The following APPL2 variants were observed in gnomAD, a reference collection of about 807,000 sequenced individuals.
APPL2 encodes the protein adaptor protein, phosphotyrosine interacting with PH domain and leucine zipper 2, also known as DCC-interacting protein 13-beta.
In APPL2, 84 loss-of-function variants were observed where a neutral mutation model predicts 92.7. The observed-to-expected ratio is 0.91, with a 90% CI of 0.76 to 1.09. APPL2 has a LOEUF of 1.09. APPL2 is among the 50% of genes least tolerant of loss of function. APPL2 has a pLI of 0.00. For missense variants in APPL2, 736 were observed against 824.5 expected, an observed-to-expected ratio of 0.89 and a Z score of 1.31; for synonymous variants, 291 against 291.0, an observed-to-expected ratio of 1.00 and a Z score of 0.00.
rs1271624439 is a variant in APPL2 at position 105,195,461 on chromosome 12, A to AGATGTC, written c.1135_1136insGACATC (p.Tyr378_Leu379insArgHis). 4 of 1,614,108 alleles carry AGATGTC rather than the reference A, an allele frequency of 2.5e-6. No homozygotes were observed. The Admixed American group carries it at 5.0e-5, about 20-fold the overall frequency. ...GATAATTACCTCAGGGTTGTCGGTC[A>AGATGTC]GGTAGATCTGTCTGGAGATGTTGTT... On this transcript the variant is annotated inframe_insertion, in exon 13 of 21. Coordinates refer to ENST00000258530, the MANE Select transcript of APPL2 (RefSeq NM_018171.5).
chr12:105,181,944 T>C (rs1208504502), intron 17 of APPL2, among the ~76,000 whole-genome samples: 2 of 152,218 alleles, frequency 1.3e-5, no homozygotes, highest in African/African-American at 2.4e-5. Flanking sequence ...TGAAGGGTTT[T>C]TCGTGTCTCT....
chr12:105,186,645 G>GATATTAT (rs879884212), intron 17 of APPL2, among the ~76,000 whole-genome samples: 1 of 128,174 alleles, frequency 7.8e-6, no homozygotes, highest in Non-Finnish European at 1.6e-5. Flanking sequence ...TCATATATAT[G>GATATTAT]ATATCGATAT....
intron 4 of APPL2, among the ~76,000 whole-genome samples, chr12:105,214,438 C>T (rs1889483868): frequency 6.6e-6 from 1 of 152,246 alleles, no homozygotes; most frequent in Non-Finnish European, 1.5e-5. Flanking sequence ...AAGGAAAACT[C>T]TTCCCCAACC....
chr12:105,189,102 T>C (rs1886977926), intron 16 of APPL2, among the ~76,000 whole-genome samples: 1 of 152,136 alleles, frequency 6.6e-6, no homozygotes, highest in South Asian at 2.1e-4. Flanking sequence ...CACTGCAACC[T>C]CCGCCTCCCA....
intron 8 of APPL2, among the ~76,000 whole-genome samples, chr12:105,206,673 C>T (rs1166726880): frequency 2.0e-5 from 3 of 152,120 alleles, no homozygotes; most frequent in African/African-American, 7.2e-5. Context: ...AGAGCGGGGG[C>T]CTTACTACAG....
rs1297296547 is a variant in APPL2, at chr12:105,207,125, T to C, written c.557A>G (p.Asn186Ser). 1.2e-6 allele frequency: 2 copies of C among 1,614,058 alleles called. No individual in the cohort carries two copies. Among genetic ancestry groups the C allele is most frequent in the Non-Finnish European group, 1.7e-6 (2 of 1,180,044 alleles). ...CATTTGCTTTCTGTACTGCAGCGCG[T>C]TGAGGGCACAGTAGTACTGAAGGGA... Reference protein sequence around the residue: ...LSSLQYYCALNALQYRKQMAM... With the variant: ...LSSLQYYCALSALQYRKQMAM... Residue 186 changes from asparagine (N) to serine (S), a missense_variant, in exon 8 of 21, where the codon AAC becomes AGC. Coordinates refer to ENST00000258530, the MANE Select transcript of APPL2 (RefSeq NM_018171.5).
chr12:105,225,305 G>A (rs1387501276), intron 2 of APPL2, among the ~76,000 whole-genome samples: 2 of 152,066 alleles, frequency 1.3e-5, no homozygotes, highest in African/African-American at 4.8e-5. Flanking sequence ...TGTCCTGCCT[G>A]CCAGGAACAT....
chr12:105,202,954 G>A (rs1888342221), intron 9 of APPL2, among the ~76,000 whole-genome samples: 1 of 151,428 alleles, frequency 6.6e-6, no homozygotes, highest in South Asian at 2.1e-4. Context: ...TTCTCTTCGT[G>A]TATCCACATG....
At position 105,207,221 on chromosome 12, in the gene APPL2, G is replaced by A. The variant is rs1888794960; in HGVS notation, c.475-14C>T. The A allele has an allele frequency of 1.2e-6, 2 of 1,607,650 alleles. No individual in the cohort carries two copies. Among genetic ancestry groups the A allele is most frequent in the Non-Finnish European group, 1.7e-6 (2 of 1,177,974 alleles). ...TTCGGTCTTCACCTGGTTAAAAGGT[G>A]AAAGGAAAACTTCAAGTTGTCTACT... On this transcript the variant is annotated splice_polypyrimidine_tract_variant and intron_variant, in intron 7 of 20. Transcript: ENST00000258530.
chr12:105,228,884 T>A (rs900901787), intron 2 of APPL2, among the ~76,000 whole-genome samples: 11 of 152,126 alleles, frequency 7.2e-5, no homozygotes, highest in Admixed American at 1.3e-4. Flanking sequence ...AAAAAAAAAA[T>A]TAGGAGCAGT....
intron 2 of APPL2, among the ~76,000 whole-genome samples, chr12:105,223,689 C>A (rs1038702581): frequency 1.3e-5 from 2 of 152,152 alleles, no homozygotes; most frequent in Admixed American, 6.5e-5. Context: ...TACTGCTGTT[C>A]CTTCAAGAAA....
chr12:105,204,728 A>C (rs766745044), intron 8 of APPL2, among the ~76,000 whole-genome samples: 1 of 151,852 alleles, frequency 6.6e-6, no homozygotes, highest in Non-Finnish European at 1.5e-5. Flanking sequence ...CCCTCCCTGA[A>C]CTCCTTTGGA....
chr12:105,217,865 G>A (rs905590602), intron 2 of APPL2, 140 bp from the exon 3 acceptor site: 3 of 679,522 alleles, frequency 4.4e-6, no homozygotes, highest in Admixed American at 2.9e-5. Flanking sequence ...TACTTTGGGA[G>A]ATTGAGGCAG....
rs1555245565 is a variant in APPL2, at chr12:105,176,915, C to CAA, written c.1772_1773insTT (p.Ser592Ter). 1.9e-6 allele frequency: 3 copies of CAA among 1,614,080 alleles called. No individual in the cohort carries two copies. Among genetic ancestry groups the CAA allele is most frequent in the Non-Finnish European group, 2.5e-6 (3 of 1,180,018 alleles). ...AGTTGCTTTCAAAAATGTATGTACTCAGAGATTCTTCTCCAGTGGATTCAG... is the reference window on the plus strand; with the variant it reads ...AGTTGCTTTCAAAAATGTATGTACTCAAAGAGATTCTTCTCCAGTGGATTCAG... On this transcript the variant is annotated frameshift_variant, in exon 19 of 21. Coordinates refer to ENST00000258530, the MANE Select transcript of APPL2 (RefSeq NM_018171.5). LOFTEE classifies it high-confidence loss of function.
At chr12:105,219,352 A>T (rs1249352447) in intron 2 of APPL2, among the ~76,000 whole-genome samples, 1 of 152,162 alleles carries the variant, frequency 6.6e-6, no homozygotes, top group Non-Finnish European at 1.5e-5. Flanking sequence ...TTTCCTCAGA[A>T]GAAAGTCAGA....
At position 105,216,816 on chromosome 12, in the gene APPL2, A is replaced by C. The variant is rs569990379; in HGVS notation, c.285+253T>G. On this transcript the variant is annotated intron_variant, in intron 4 of 20. Transcript: ENST00000258530. ...CTGAGAAACTAATATACTCTCCTTT[A>C]GAAACCGAATTCTCAGAAATCTTTC... is the stretch of plus-strand genomic sequence containing the variant. 3.3e-5 allele frequency among the ~76,000 whole-genome samples: 5 copies of C among 152,372 alleles called. No homozygotes were observed. The South Asian group carries it at 1.0e-3, about 32-fold the overall frequency.
chr12:105,199,450 G>A lies in APPL2; in HGVS notation c.786C>T (p.Tyr262=), dbSNP rs1333376636. The change falls in exon 10 of 21, where the codon TAC becomes TAT. Residue 262 remains tyrosine, a synonymous_variant. Transcript: ENST00000258530. ...GTGCGGCCACATCAGAGTCTGGAGT[G>A]TAAACAGATTCATCAACAGAAAGTA... ...QELLSVDESV[Y]TPDSDVAAPQ... is the part of the protein sequence containing the mutation. 4 of 1,614,030 alleles carry A rather than the reference G, an allele frequency of 2.5e-6. No homozygotes were observed. Among genetic ancestry groups the A allele is most frequent in the Non-Finnish European group, 3.4e-6 (4 of 1,180,028 alleles).
intron 8 of APPL2, among the ~76,000 whole-genome samples, chr12:105,206,341 C>T (rs1888698934): frequency 6.6e-6 from 1 of 152,142 alleles, no homozygotes; most frequent in Non-Finnish European, 1.5e-5. Context: ...AGAGAAGATT[C>T]CTGGGTGCCT....
chr12:105,193,058 C>A (rs1272035939), intron 14 of APPL2, among the ~76,000 whole-genome samples: 1 of 152,226 alleles, frequency 6.6e-6, no homozygotes, highest in East Asian at 1.9e-4. Flanking sequence ...GGCCATCTGG[C>A]AGCCACATCT....
Sources: allele counts gnomAD v4.1 joint callset (sites outside exome capture counted in the v4.1 genomes callset), GRCh38; gene constraint gnomAD v4.1.1; transcripts MANE v1.5; gene names NCBI Gene and HGNC (gene_info 2026-07-23, HGNC 2026-07-21).